The following B3GALT1 variants were observed in gnomAD, a reference collection of about 807,000 sequenced individuals.
B3GALT1 encodes the protein beta-1,3-galactosyltransferase 1.
In B3GALT1, 10 loss-of-function variants were observed where a neutral mutation model predicts 23.2. The observed-to-expected ratio is 0.43, with a 90% confidence interval of 0.27 to 0.73. The LOEUF (loss-of-function observed/expected upper bound fraction) is 0.73, where lower values mean the gene tolerates loss of function less well. Among genes scored for constraint, B3GALT1 ranks in the 30% least tolerant of loss-of-function variants. B3GALT1 has a pLI of 0.21. For missense variants in B3GALT1, 299 were observed against 405.4 expected, an observed-to-expected ratio of 0.74 and a Z score of 2.25; for synonymous variants, 156 against 141.5, an observed-to-expected ratio of 1.10 and a Z score of -0.73.
chr2:167,297,405 A>G (rs955694600), intron 1 of B3GALT1, among the ~76,000 whole-genome samples: 2 of 151,818 alleles, frequency 1.3e-5, no homozygotes, highest in Non-Finnish European at 2.9e-5. Flanking sequence ...TAAAAAAAAA[A>G]AACTAGGTTT....
At chr2:167,751,036 G>A (rs1454498474) in intron 3 of B3GALT1, among the ~76,000 whole-genome samples, 2 of 152,164 alleles carry the variant, frequency 1.3e-5, no homozygotes, top group Non-Finnish European at 2.9e-5. Context: ...TGCTGTTGCT[G>A]CAAGAAAACA....
chr2:167,457,037 AG>A (rs1699183406), intron 1 of B3GALT1, among the ~76,000 whole-genome samples: 1 of 152,164 alleles, frequency 6.6e-6, no homozygotes, highest in Non-Finnish European at 1.5e-5. Flanking sequence ...CACAGCCACT[AG>A]TTATTTCATT....
chr2:167,768,717 C>T (rs1024196809), intron 3 of B3GALT1, among the ~76,000 whole-genome samples: 4 of 152,200 alleles, frequency 2.6e-5, no homozygotes, highest in African/African-American at 9.6e-5. Context: ...CTTTTCTTGG[C>T]ATCGTCACCA....
At chr2:167,804,301 T>TTTTTG (rs1317235347) in intron 3 of B3GALT1, among the ~76,000 whole-genome samples, 1 of 149,108 alleles carries the variant, frequency 6.7e-6, no homozygotes, top group African/African-American at 2.6e-5. Flanking sequence ...CAAAATTTCT[T>TTTTTG]TTTTGTTTTG....
At chr2:167,828,872 G>A (rs1049657386) in intron 4 of B3GALT1, among the ~76,000 whole-genome samples, 2 of 152,156 alleles carry the variant, frequency 1.3e-5, no homozygotes, top group African/African-American at 4.8e-5. Flanking sequence ...TGCAGGTCTT[G>A]ACATTAACAC....
intron 2 of B3GALT1, among the ~76,000 whole-genome samples, chr2:167,571,888 A>G (rs1684299402): frequency 6.6e-6 from 1 of 151,914 alleles, no homozygotes; most frequent in Non-Finnish European, 1.5e-5. Flanking sequence ...AACTATGGAA[A>G]CAATCAGTGA....
chr2:167,482,880 C>G (rs954774703), intron 1 of B3GALT1, among the ~76,000 whole-genome samples: 1 of 152,094 alleles, frequency 6.6e-6, no homozygotes, highest in African/African-American at 2.4e-5. Context: ...GCTTATATCT[C>G]TCACAAAACA....
At chr2:167,484,824 T>C (rs190117350) in intron 1 of B3GALT1, among the ~76,000 whole-genome samples, 7 of 152,310 alleles carry the variant, frequency 4.6e-5, no homozygotes, top group Admixed American at 6.5e-5. Context: ...TACACTTCCC[T>C]CACAAGAGAC....
At chr2:167,465,907 C>T (rs570547762) in intron 1 of B3GALT1, among the ~76,000 whole-genome samples, 1 of 151,484 alleles carries the variant, frequency 6.6e-6, no homozygotes, top group African/African-American at 2.4e-5. Flanking sequence ...TTTTTTTCCC[C>T]CTCCATCTCC....
At chr2:167,817,465 A>T (rs1689017185) in intron 3 of B3GALT1, among the ~76,000 whole-genome samples, 1 of 152,210 alleles carries the variant, frequency 6.6e-6, no homozygotes, top group African/African-American at 2.4e-5. Context: ...GATTTTGCAC[A>T]TGGGACCTAG....
intron 1 of B3GALT1, among the ~76,000 whole-genome samples, chr2:167,407,558 GA>G (rs1259266857): frequency 4.8e-5 from 1 of 20,896 alleles, no homozygotes; most frequent in Non-Finnish European, 2.3e-4. Context: ...TTGTTTTATT[GA>G]AAAGGTAAAA....
At chr2:167,790,390 T>C (rs1046596654) in intron 3 of B3GALT1, among the ~76,000 whole-genome samples, 10 of 152,152 alleles carry the variant, frequency 6.6e-5, no homozygotes, top group Admixed American at 6.5e-4. Flanking sequence ...GCACTGTGAG[T>C]CTGGTTTCAT....
chr2:167,653,432 G>C (rs77071130), intron 3 of B3GALT1, among the ~76,000 whole-genome samples: 14 of 152,216 alleles, frequency 9.2e-5, no homozygotes, highest in Admixed American at 8.5e-4. Flanking sequence ...TGATCTCACT[G>C]TTAATTATTT....
chr2:167,569,075 G>C (rs1232017511), intron 2 of B3GALT1, among the ~76,000 whole-genome samples: 1 of 151,792 alleles, frequency 6.6e-6, no homozygotes, highest in Non-Finnish European at 1.5e-5. Flanking sequence ...CTGTTCCACT[G>C]ATCTATTTGT....
intron 3 of B3GALT1, among the ~76,000 whole-genome samples, chr2:167,757,549 G>A (rs902519711): frequency 2.0e-5 from 3 of 152,080 alleles, no homozygotes; most frequent in Non-Finnish European, 2.9e-5. Flanking sequence ...GGGGGAAAAA[G>A]GCATAGGTAC....
intron 1 of B3GALT1, among the ~76,000 whole-genome samples, chr2:167,351,837 T>C (rs1477206728): frequency 3.3e-5 from 5 of 152,108 alleles, no homozygotes; most frequent in African/African-American, 1.2e-4. Context: ...TGACCACTAC[T>C]GTCTTTGCTT....
At chr2:167,863,041 T>C (rs191330062) in intron 4 of B3GALT1, among the ~76,000 whole-genome samples, 4 of 152,290 alleles carry the variant, frequency 2.6e-5, no homozygotes, top group Admixed American at 2.6e-4. Context: ...GCTAGGAAAA[T>C]GACAAGTGTT....
chr2:167,374,933 A>G (rs972354492), intron 1 of B3GALT1, among the ~76,000 whole-genome samples: 2 of 151,766 alleles, frequency 1.3e-5, no homozygotes, highest in East Asian at 3.9e-4. Flanking sequence ...CAATGTCTAG[A>G]ATAGTGTTTT....
At chr2:167,601,720 C>T (rs1278707263) in intron 2 of B3GALT1, among the ~76,000 whole-genome samples, 4 of 152,194 alleles carry the variant, frequency 2.6e-5, no homozygotes, top group Non-Finnish European at 5.9e-5. Context: ...GGCTCAGACA[C>T]CTGAGTTCTT....
Sources: gnomAD v4.1 joint callset for allele counts (sites outside exome capture counted in the v4.1 genomes callset) on GRCh38, gnomAD v4.1.1 for gene constraint, MANE v1.5 for transcripts, NCBI Gene and HGNC (gene_info 2026-07-23, HGNC 2026-07-21) for gene names.